Variants in IL1RAPL2 observed in about 807,000 individuals in gnomAD.
The protein encoded by IL1RAPL2 is interleukin 1 receptor accessory protein like 2, also known as X-linked interleukin-1 receptor accessory protein-like 2.
IL1RAPL2 carries 3 observed loss-of-function variants against 44.1 expected under a neutral mutation model. The ratio of observed to expected loss-of-function variants is 0.07; its 90% CI spans 0.03 to 0.18. The LOEUF is 0.18. Among genes scored for constraint, IL1RAPL2 ranks in the 10% least tolerant of loss-of-function variants. The pLI is 1.00. For synonymous variants in IL1RAPL2, 181 were observed against 178.8 expected (o/e 1.01, Z -0.10); for missense variants, 391 against 496.4 (o/e 0.79, Z 2.02).
intron 2 of IL1RAPL2, among the ~76,000 whole-genome samples, chrX:105,044,800 C>T (rs1336822137): frequency 9.0e-6 from 1 of 111,318 alleles, no homozygotes; most frequent in Non-Finnish European, 1.9e-5. Flanking sequence ...GGCTTAACTA[C>T]TCAGGCTCTA....
intron 2 of IL1RAPL2, among the ~76,000 whole-genome samples, chrX:104,786,356 A>T (rs1330646813): frequency 8.9e-6 from 1 of 111,740 alleles, no homozygotes; most frequent in Non-Finnish European, 1.9e-5. Context: ...CTTCATTCCC[A>T]CTGCTGTACA....
At chrX:105,291,077 A>G (rs2034609179) in intron 5 of IL1RAPL2, among the ~76,000 whole-genome samples, 1 of 111,525 alleles carries the variant, frequency 9.0e-6, no homozygotes, top group Non-Finnish European at 1.9e-5. Flanking sequence ...TTCAAAATGT[A>G]ATAAATTATT....
At chrX:104,702,294 A>G (rs868322549) in intron 2 of IL1RAPL2, among the ~76,000 whole-genome samples, 5 of 111,925 alleles carry the variant, frequency 4.5e-5, no homozygotes, top group African/African-American at 1.6e-4. Flanking sequence ...ACAGAAGGTG[A>G]ACAGTAAATA....
intron 5 of IL1RAPL2, among the ~76,000 whole-genome samples, chrX:105,466,770 T>C (rs1384814231): frequency 9.0e-6 from 1 of 111,645 alleles, no homozygotes; most frequent in African/African-American, 3.3e-5. Flanking sequence ...TAACCGAATA[T>C]CTGAGACTGG....
At chrX:104,816,910 G>A (rs1209696476) in intron 2 of IL1RAPL2, among the ~76,000 whole-genome samples, 1 of 112,654 alleles carries the variant, frequency 8.9e-6, no homozygotes, top group Admixed American at 9.4e-5. Flanking sequence ...TAGCTGCTTT[G>A]AAGTTTCACT....
intron 2 of IL1RAPL2, among the ~76,000 whole-genome samples, chrX:104,914,836 G>A (rs927923590): frequency 5.4e-5 from 6 of 110,436 alleles, no homozygotes; most frequent in African/African-American, 1.7e-4. Flanking sequence ...TGTCCTTGCC[G>A]TAGTTAACTG....
rs60431670 is a variant in IL1RAPL2, at chrX:105,288,410, G to GAAA, written c.697+20878_697+20880dup. Among the ~76,000 whole-genome samples the GAAA allele has an allele frequency of 1.5e-3, 154 of 99,436 alleles. 1 individual carries two copies. Among genetic ancestry groups the GAAA allele is most frequent in the Non-Finnish European group, 2.0e-3 (95 of 48,630 alleles). The allele number at this position is 99,436 out of a possible 115,157, so 86.3% of individuals were successfully genotyped here. On this transcript the variant is annotated intron_variant, in intron 5 of 10. Transcript: ENST00000372582. The stretch of plus-strand genomic sequence containing the variant: ...ACTGAGTCATTTGCTATCTACTTTT[G>GAAA]AAAAAAAAAAACAGCATTCTCTAAT...
chrX:105,672,414 G>A (rs981101897), intron 6 of IL1RAPL2, among the ~76,000 whole-genome samples: 2 of 112,262 alleles, frequency 1.8e-5, no homozygotes, highest in Admixed American at 9.4e-5. Flanking sequence ...TACTACATAG[G>A]TGAGAGTTCC....
intron 6 of IL1RAPL2, among the ~76,000 whole-genome samples, chrX:105,587,377 G>A (rs1264861335): frequency 1.8e-5 from 2 of 110,907 alleles, no homozygotes; most frequent in African/African-American, 6.5e-5. Flanking sequence ...TGTATTGTTT[G>A]TTAGACTGTT....
intron 2 of IL1RAPL2, among the ~76,000 whole-genome samples, chrX:104,974,228 C>G (rs1015375890): frequency 1.8e-5 from 2 of 111,945 alleles, no homozygotes; most frequent in Non-Finnish European, 3.8e-5. Context: ...TAGACCACCT[C>G]CAAGAACCAA....
chrX:105,481,204 C>T (rs1463781730), intron 5 of IL1RAPL2, among the ~76,000 whole-genome samples: 1 of 112,063 alleles, frequency 8.9e-6, no homozygotes. Flanking sequence ...CAACTTATAT[C>T]CTGTTTTCCT....
intron 5 of IL1RAPL2, among the ~76,000 whole-genome samples, chrX:105,393,887 T>A (rs2035544386): frequency 8.9e-6 from 1 of 112,165 alleles, no homozygotes; most frequent in African/African-American, 3.2e-5. Context: ...GCCTCCCTAT[T>A]TCATAAGTGA....
intron 1 of IL1RAPL2, among the ~76,000 whole-genome samples, chrX:104,601,719 T>A (rs937085436): frequency 8.9e-6 from 1 of 112,128 alleles, no homozygotes; most frequent in African/African-American, 3.2e-5. Context: ...TGGCTATTAT[T>A]AAGCCACATT....
In IL1RAPL2 at chrX:104,997,548, G is replaced by A. The variant is rs185076037; in HGVS notation, c.83-197927G>A. On this transcript the variant is annotated intron_variant, in intron 2 of 10. Coordinates refer to ENST00000372582, the MANE Select transcript of IL1RAPL2 (RefSeq NM_017416.2). Reference sequence around the variant, plus strand: ...TTGTACAGAGAAAGGATTGGAAGAGGCAATACTGGAAGCATGGGAATTAAT... The same window carrying A: ...TTGTACAGAGAAAGGATTGGAAGAGACAATACTGGAAGCATGGGAATTAAT... Among the ~76,000 whole-genome samples the A allele has an allele frequency of 2.8e-3, 307 of 111,565 alleles. 3 individuals carry two copies. The highest frequency in any genetic ancestry group is 4.6e-3 in the Non-Finnish European group (244 of 53,041).
intron 6 of IL1RAPL2, among the ~76,000 whole-genome samples, chrX:105,690,353 G>A (rs1187135567): frequency 9.0e-6 from 1 of 111,547 alleles, no homozygotes; most frequent in Non-Finnish European, 1.9e-5. Flanking sequence ...AATAAAGTTT[G>A]CCAGAATAAT....
intron 6 of IL1RAPL2, among the ~76,000 whole-genome samples, chrX:105,499,868 A>ATTTT (rs2036380800): frequency 8.9e-6 from 1 of 112,065 alleles, no homozygotes; most frequent in Non-Finnish European, 1.9e-5. Context: ...TTAAAAATAA[A>ATTTT]ACTACCATAT....
intron 2 of IL1RAPL2, among the ~76,000 whole-genome samples, chrX:105,151,215 G>A (rs184716029): frequency 7.3e-4 from 82 of 111,834 alleles, no homozygotes; most frequent in Non-Finnish European, 1.2e-3. Flanking sequence ...GATCATAGAT[G>A]GAGATGTAAA....
chrX:104,733,699 T>C (rs1444700459), intron 2 of IL1RAPL2, among the ~76,000 whole-genome samples: 9 of 109,026 alleles, frequency 8.3e-5, no homozygotes, highest in Admixed American at 3.0e-4. Flanking sequence ...TTCAGCAACA[T>C]TTCTTGATAA....
At chrX:104,844,529 A>G (rs1260794132) in intron 2 of IL1RAPL2, among the ~76,000 whole-genome samples, 4 of 106,775 alleles carry the variant, frequency 3.7e-5, no homozygotes, top group East Asian at 5.6e-4. Context: ...GCTTCCCTGG[A>G]CCACATTGGA....
Sources: allele counts gnomAD v4.1 joint callset (sites outside exome capture counted in the v4.1 genomes callset), GRCh38; gene constraint gnomAD v4.1.1; transcripts MANE v1.5; gene names NCBI Gene and HGNC (gene_info 2026-07-23, HGNC 2026-07-21).